Variants in CTNNA3 observed in about 807,000 individuals in gnomAD.
CTNNA3 encodes catenin alpha-3.
A neutral mutation model predicts 95.7 loss-of-function variants in CTNNA3; 76 were observed. That is an observed-to-expected ratio of 0.79 (90% CI 0.66 to 0.96). The LOEUF (loss-of-function observed/expected upper bound fraction) is 0.96. CTNNA3 is among the 40% of genes least tolerant of loss of function. CTNNA3 has a pLI of 0.00. For synonymous variants in CTNNA3, 431 were observed against 374.4 expected (o/e 1.15, Z -1.74); for missense variants, 1,191 against 1,089.8 (o/e 1.09, Z -1.31).
intron 1 of CTNNA3, among the ~76,000 whole-genome samples, chr10:67,673,037 G>A (rs1160415628): frequency 6.6e-6 from 1 of 151,358 alleles, no homozygotes; most frequent in Non-Finnish European, 1.5e-5. Flanking sequence ...TTATTTCATT[G>A]AGCAGTGGTT....
chr10:67,354,652 T>C (rs1034269668), intron 5 of CTNNA3, among the ~76,000 whole-genome samples: 3 of 151,948 alleles, frequency 2.0e-5, no homozygotes, highest in Non-Finnish European at 2.9e-5. Context: ...ACAAACAATA[T>C]ATCTAGGGAA....
chr10:67,647,469 A>T lies in CTNNA3; in HGVS notation c.45T>A (p.Asp15Glu). ...CCACGGTGAATGTTTGGACCTGCAG[A>T]TCCTGAGGATCGATATTCAATGTGA... ...TPITLNIDPQ[D>E]LQVQTFTVEK... The change falls in exon 2 of 18, where the codon GAT (aspartate) becomes GAA (glutamate). Residue 15 changes from aspartate to glutamate, a missense_variant. Asp to Glu is a conservative substitution (Grantham distance 45, BLOSUM62 2). Transcript: ENST00000433211. 6.2e-7 allele frequency: 1 copy of T among 1,613,522 alleles called. No homozygotes were observed. The highest frequency in any genetic ancestry group is 8.5e-7 in the Non-Finnish European group (1 of 1,179,586).
chr10:66,572,560 G>T (rs1404264619), intron 10 of CTNNA3, among the ~76,000 whole-genome samples: 3 of 150,188 alleles, frequency 2.0e-5, no homozygotes, highest in Non-Finnish European at 3.0e-5. Context: ...ATTTAGGCCA[G>T]GACTCAAAAA....
intron 7 of CTNNA3, among the ~76,000 whole-genome samples, chr10:67,074,034 C>CTTTTTTTT (rs35411851): frequency 2.7e-5 from 3 of 109,436 alleles, no homozygotes; most frequent in African/African-American, 1.0e-4. Flanking sequence ...CATTTTAACT[C>CTTTTTTTT]TTTTTTTTTT....
chr10:67,451,592 T>C (rs977649721), intron 5 of CTNNA3, among the ~76,000 whole-genome samples: 3 of 152,194 alleles, frequency 2.0e-5, no homozygotes, highest in Non-Finnish European at 4.4e-5. Flanking sequence ...CTGGCTCTTA[T>C]CCTAGATTCT....
chr10:67,204,375 C>CG (rs200908761), intron 6 of CTNNA3, among the ~76,000 whole-genome samples: 9,808 of 150,572 alleles, frequency 0.065, 468 homozygotes, highest in African/African-American at 0.14. Flanking sequence ...GGCACCTCCC[C>CG]CCCTCTCTCT....
At chr10:67,551,359 G>C (rs1400420633) in intron 3 of CTNNA3, among the ~76,000 whole-genome samples, 3 of 152,070 alleles carry the variant, frequency 2.0e-5, no homozygotes, top group Admixed American at 6.6e-5. Context: ...AGAAGAGTCA[G>C]GCAGTTTTCT....
At chr10:67,561,661 GAC>G (rs1447573481) in intron 3 of CTNNA3, among the ~76,000 whole-genome samples, 1 of 150,898 alleles carries the variant, frequency 6.6e-6, no homozygotes, top group Non-Finnish European at 1.5e-5. Flanking sequence ...AGGAAATAGA[GAC>G]ACAAAAAACC....
At chr10:66,681,461 T>TA (rs1847065178) in intron 9 of CTNNA3, among the ~76,000 whole-genome samples, 1 of 152,138 alleles carries the variant, frequency 6.6e-6, no homozygotes, top group Admixed American at 6.6e-5. Context: ...TACTGGCTCT[T>TA]AAAAAATCAG....
At chr10:67,640,287 C>T (rs1839482488) in intron 2 of CTNNA3, among the ~76,000 whole-genome samples, 1 of 152,076 alleles carries the variant, frequency 6.6e-6, no homozygotes, top group Non-Finnish European at 1.5e-5. Flanking sequence ...CCTAGGAATC[C>T]AACTTACAAG....
At chr10:66,455,540 C>T (rs2093490069) in intron 11 of CTNNA3, among the ~76,000 whole-genome samples, 1 of 152,148 alleles carries the variant, frequency 6.6e-6, no homozygotes, top group Non-Finnish European at 1.5e-5. Context: ...AAGACACTCC[C>T]ACCAGTGCCC....
At chr10:66,475,754 C>T (rs1420064478) in intron 11 of CTNNA3, among the ~76,000 whole-genome samples, 1 of 152,042 alleles carries the variant, frequency 6.6e-6, no homozygotes, top group Non-Finnish European at 1.5e-5. Context: ...AATGCTTTTA[C>T]ACAGTTGATG....
chr10:66,601,898 T>C (rs1843940250), intron 10 of CTNNA3, among the ~76,000 whole-genome samples: 1 of 151,908 alleles, frequency 6.6e-6, no homozygotes, highest in African/African-American at 2.4e-5. Context: ...CCTAAACTTT[T>C]AGGTTCAGTG....
At chr10:66,235,195 T>C (rs1041214109) in intron 13 of CTNNA3, among the ~76,000 whole-genome samples, 4 of 152,192 alleles carry the variant, frequency 2.6e-5, no homozygotes, top group Admixed American at 2.0e-4. Context: ...ATAAATATCG[T>C]TGTTTTAAAC....
intron 7 of CTNNA3, among the ~76,000 whole-genome samples, chr10:67,093,050 G>A (rs905236025): frequency 2.0e-5 from 3 of 151,866 alleles, no homozygotes; most frequent in South Asian, 2.1e-4. Flanking sequence ...CTTGGAAAAC[G>A]GTGATTTAGA....
chr10:66,276,790 A>T (rs1044449789), intron 13 of CTNNA3, among the ~76,000 whole-genome samples: 1 of 152,020 alleles, frequency 6.6e-6, no homozygotes, highest in African/African-American at 2.4e-5. Context: ...TGTGGTAATA[A>T]TAGTAGTAGT....
intron 1 of CTNNA3, among the ~76,000 whole-genome samples, chr10:67,713,286 A>T (rs1323102924): frequency 6.6e-6 from 1 of 152,240 alleles, no homozygotes; most frequent in African/African-American, 2.4e-5. Context: ...AGGAAACAAC[A>T]GATGCTGGAG....
At chr10:66,580,552 G>A (rs78522991) in intron 10 of CTNNA3, among the ~76,000 whole-genome samples, 6,557 of 151,666 alleles carry the variant, frequency 0.043, 225 homozygotes, top group Non-Finnish European at 0.063. Flanking sequence ...TTCTAACATC[G>A]CTGTCATCTA....
At chr10:67,524,003 C>T (rs952861109) in intron 4 of CTNNA3, among the ~76,000 whole-genome samples, 5 of 152,096 alleles carry the variant, frequency 3.3e-5, no homozygotes, top group African/African-American at 1.2e-4. Context: ...CTTTGTCTTC[C>T]CTAAGAAATA....
Sources: gnomAD v4.1 joint callset for allele counts (sites outside exome capture counted in the v4.1 genomes callset) on GRCh38, gnomAD v4.1.1 for gene constraint, MANE v1.5 for transcripts, NCBI Gene and HGNC (gene_info 2026-07-23, HGNC 2026-07-21) for gene names.